The following DPP6 variants were observed in gnomAD, a reference collection of about 807,000 sequenced individuals.
DPP6 encodes dipeptidyl peptidase like 6.
Under a neutral mutation model 122.6 loss-of-function variants are expected in DPP6, and 69 were observed. The ratio of observed to expected loss-of-function variants is 0.56; its 90% CI spans 0.46 to 0.69. The LOEUF (loss-of-function observed/expected upper bound fraction) is 0.69. Ranked by LOEUF, DPP6 falls within the 30% of genes least tolerant of loss-of-function variation. The pLI is 0.00. For missense variants in DPP6, 928 were observed against 1,116.9 expected (o/e 0.83, Z 2.41); for synonymous variants, 418 against 433.1 (o/e 0.97, Z 0.43).
intron 1 of DPP6, among the ~76,000 whole-genome samples, chr7:154,426,409 C>T (rs1427276442): frequency 2.6e-5 from 4 of 152,116 alleles, no homozygotes; most frequent in Non-Finnish European, 4.4e-5. Context: ...TACAAATAAT[C>T]ATGTGGGAAT....
chr7:154,808,392 G>C (rs1030989084), intron 16 of DPP6, among the ~76,000 whole-genome samples: 1 of 152,100 alleles, frequency 6.6e-6, no homozygotes, highest in Non-Finnish European at 1.5e-5. Context: ...GGGATGAGGG[G>C]GGTGCGACTG....
chr7:154,063,624 C>A (rs1421127860), intron 1 of DPP6, among the ~76,000 whole-genome samples: 4 of 129,544 alleles, frequency 3.1e-5, no homozygotes, highest in African/African-American at 1.2e-4. Context: ...CCCCACGAGG[C>A]AGGGACTGAG....
chr7:154,806,974 T>C lies in DPP6; in HGVS notation c.1548-20T>C, dbSNP rs778374415. 4 of 1,612,884 alleles carry C rather than the reference T, an allele frequency of 2.5e-6. No homozygotes were observed. Among genetic ancestry groups the C allele is most frequent in the Non-Finnish European group, 3.4e-6 (4 of 1,179,354 alleles). On this transcript the variant is annotated intron_variant, in intron 15 of 25. Transcript: ENST00000377770. ...GCTCCTCTCCGCCCACATTCACACCTGCGTCCTTTGCTCTTCCAGTGCCAA... is the reference window on the plus strand; with the variant it reads ...GCTCCTCTCCGCCCACATTCACACCCGCGTCCTTTGCTCTTCCAGTGCCAA...
intron 1 of DPP6, among the ~76,000 whole-genome samples, chr7:154,367,018 C>T (rs1812247268): frequency 6.6e-6 from 1 of 152,170 alleles, no homozygotes; most frequent in African/African-American, 2.4e-5. Context: ...TGATTAGTGT[C>T]GGTGTTCTTG....
intron 1 of DPP6, among the ~76,000 whole-genome samples, chr7:153,927,379 A>G (rs770692740): frequency 8.5e-5 from 13 of 152,212 alleles, no homozygotes; most frequent in Non-Finnish European, 1.8e-4. Flanking sequence ...GTACAATGTG[A>G]TGTTGTGATA....
At chr7:153,927,929 T>A (rs1036978949) in intron 1 of DPP6, among the ~76,000 whole-genome samples, 1 of 152,158 alleles carries the variant, frequency 6.6e-6, no homozygotes, top group African/African-American at 2.4e-5. Context: ...AGCATGATAA[T>A]TGCCAAAAGA....
the DPP6 span, among the ~76,000 whole-genome samples, chr7:153,793,710 G>A: frequency 1.3e-5 from 2 of 150,082 alleles, no homozygotes; most frequent in Admixed American, 6.6e-5. Flanking sequence ...CTCATCACAG[G>A]TCCAGAGGCC....
At chr7:154,106,225 A>G (rs940143942) in intron 1 of DPP6, among the ~76,000 whole-genome samples, 4 of 131,520 alleles carry the variant, frequency 3.0e-5, no homozygotes, top group African/African-American at 1.2e-4. Flanking sequence ...CCTGGTGAAA[A>G]GTGCTTCTGT....
chr7:154,399,214 G>T (rs945780822), intron 1 of DPP6, among the ~76,000 whole-genome samples: 8 of 152,130 alleles, frequency 5.3e-5, no homozygotes, highest in Non-Finnish European at 1.2e-4. Context: ...AAGAGGGAAG[G>T]TTCCCCTCTC....
chr7:154,563,093 G>C (rs1830529841), intron 4 of DPP6, among the ~76,000 whole-genome samples: 1 of 152,196 alleles, frequency 6.6e-6, no homozygotes, highest in Non-Finnish European at 1.5e-5. Context: ...AGGCAAGGCA[G>C]TTAATATCTA....
chr7:153,871,095 T>C, the DPP6 span, among the ~76,000 whole-genome samples: 9 of 152,042 alleles, frequency 5.9e-5, no homozygotes, highest in African/African-American at 2.2e-4. Context: ...TATTCGGGGG[T>C]CAGGAACCCA....
intron 6 of DPP6, among the ~76,000 whole-genome samples, chr7:154,660,421 T>C (rs1448534845): frequency 6.7e-6 from 1 of 150,018 alleles, no homozygotes; most frequent in African/African-American, 2.5e-5. Context: ...CATATAGTCA[T>C]GGTGAATCAC....
At chr7:154,837,693 A>G (rs896990422) in intron 16 of DPP6, among the ~76,000 whole-genome samples, 7 of 152,222 alleles carry the variant, frequency 4.6e-5, no homozygotes, top group African/African-American at 1.7e-4. Flanking sequence ...CTTCTGAAAG[A>G]ATGAGACTTT....
chr7:154,268,539 C>T (rs567468823), intron 1 of DPP6, among the ~76,000 whole-genome samples: 9 of 152,288 alleles, frequency 5.9e-5, no homozygotes, highest in Non-Finnish European at 7.4e-5. Context: ...GAGGCCTTGC[C>T]TCCTAACACC....
chr7:154,375,265 C>A (rs1044446088), intron 1 of DPP6, among the ~76,000 whole-genome samples: 2 of 151,906 alleles, frequency 1.3e-5, no homozygotes, highest in Non-Finnish European at 2.9e-5. Flanking sequence ...AATTCTAGAA[C>A]CCTTGAGTGG....
At chr7:154,131,068 TG>T (rs1303357295) in intron 1 of DPP6, among the ~76,000 whole-genome samples, 2 of 152,118 alleles carry the variant, frequency 1.3e-5, no homozygotes, top group Non-Finnish European at 2.9e-5. Context: ...CTTTACTCTC[TG>T]GGTCTTAGCT....
intron 1 of DPP6, among the ~76,000 whole-genome samples, chr7:153,907,757 C>A (rs1463408000): frequency 6.6e-6 from 1 of 152,174 alleles, no homozygotes; most frequent in African/African-American, 2.4e-5. Context: ...GGGTTTCCAG[C>A]CTGCTGGTCT....
At chr7:154,852,356 G>C (rs1008738148) in intron 16 of DPP6, among the ~76,000 whole-genome samples, 1 of 152,116 alleles carries the variant, frequency 6.6e-6, no homozygotes, top group African/African-American at 2.4e-5. Flanking sequence ...GCAAGCAGCA[G>C]CCCTGGCCAC....
At chr7:154,140,815 G>T (rs71532699) in intron 1 of DPP6, among the ~76,000 whole-genome samples, 26,586 of 152,132 alleles carry the variant, frequency 0.17, 2,758 homozygotes, top group East Asian at 0.37. Context: ...AACCTTTTTG[G>T]AAGTAGGGAG....
Sources: gnomAD v4.1 joint callset for allele counts (sites outside exome capture counted in the v4.1 genomes callset) on GRCh38, gnomAD v4.1.1 for gene constraint, MANE v1.5 for transcripts, NCBI Gene and HGNC (gene_info 2026-07-23, HGNC 2026-07-21) for gene names.